Variants in ZNF254 observed in about 807,000 individuals in gnomAD.
ZNF254 encodes zinc finger protein 254, also known as CTD-2017D11.1.
In ZNF254, 10 loss-of-function variants were observed where a neutral mutation model predicts 12.4. The observed-to-expected ratio is 0.80, with a 90% confidence interval of 0.50 to 1.36. The LOEUF (loss-of-function observed/expected upper bound fraction) is 1.36, where lower values mean the gene tolerates loss of function less well. ZNF254 is among the 40% of genes most tolerant of loss of function. The probability of loss-of-function intolerance (pLI) is 0.00; values close to 1 mark genes in which losing one functional copy is unlikely to be tolerated. For synonymous variants in ZNF254, 305 were observed against 253.4 expected (o/e 1.20, Z -1.93); for missense variants, 996 against 763.9 (o/e 1.30, Z -3.58).
At chr19:24,057,591 G>A (rs923851774) in intron 2 of ZNF254, among the ~76,000 whole-genome samples, 7 of 152,210 alleles carry the variant, frequency 4.6e-5, no homozygotes, top group African/African-American at 1.7e-4. Flanking sequence ...ACACCCAGCC[G>A]ACAGTAAAGA....
chr19:24,060,152 A>G (rs1054426082), intron 2 of ZNF254, among the ~76,000 whole-genome samples: 1 of 152,166 alleles, frequency 6.6e-6, no homozygotes, highest in Non-Finnish European at 1.5e-5. Flanking sequence ...GCTGGTTTCA[A>G]TACCCAGGTG....
At chr19:24,118,240 G>C (rs1057482745) in intron 3 of ZNF254, among the ~76,000 whole-genome samples, 1 of 151,880 alleles carries the variant, frequency 6.6e-6, no homozygotes, top group Non-Finnish European at 1.5e-5. Flanking sequence ...TTTTAGTACA[G>C]ATGGGGTTTC....
exon 1 of ZNF254, chr19:24,033,577 A>T: frequency 2.6e-6 from 1 of 379,138 alleles, no homozygotes; most frequent in Non-Finnish European, 5.3e-6. Flanking sequence ...AGGTCCGGAG[A>T]GACGCACAGC....
At chr19:24,074,299 C>T (rs1335032826) in intron 2 of ZNF254, among the ~76,000 whole-genome samples, 1 of 152,176 alleles carries the variant, frequency 6.6e-6, no homozygotes, top group Admixed American at 6.6e-5. Flanking sequence ...GCTGAAGTGA[C>T]TCTTCTCTTC....
intron 2 of ZNF254, among the ~76,000 whole-genome samples, chr19:24,080,962 A>G (rs1971824811): frequency 6.6e-6 from 1 of 150,998 alleles, no homozygotes; most frequent in Non-Finnish European, 1.5e-5. Flanking sequence ...TTGTAATCCC[A>G]GCTACTCAGG....
At chr19:24,094,730 A>G (rs1972576313) in intron 1 of ZNF254, among the ~76,000 whole-genome samples, 1 of 151,786 alleles carries the variant, frequency 6.6e-6, no homozygotes, top group African/African-American at 2.4e-5. Context: ...TTTGTCTCCC[A>G]GGCTGGAGTG....
chr19:24,087,753 T>G (rs1312424228), intron 1 of ZNF254, among the ~76,000 whole-genome samples: 2 of 152,052 alleles, frequency 1.3e-5, no homozygotes, highest in Non-Finnish European at 2.9e-5. Context: ...ATTAAATACT[T>G]TAATAAAAGA....
chr19:24,104,435 G>C (rs1411377014), intron 1 of ZNF254: 1 of 152,156 alleles, frequency 6.6e-6, no homozygotes, highest in Non-Finnish European at 1.5e-5. Flanking sequence ...GAGAGAAAAA[G>C]TGACTTTTTT....
chr19:24,062,254 T>C (rs1431255306), intron 2 of ZNF254, among the ~76,000 whole-genome samples: 1 of 152,194 alleles, frequency 6.6e-6, no homozygotes, highest in Non-Finnish European at 1.5e-5. Context: ...TCATGTTTCA[T>C]GTAAGCACAT....
chr19:24,042,907 T>C (rs144570217), intron 1 of ZNF254, among the ~76,000 whole-genome samples: 10 of 152,344 alleles, frequency 6.6e-5, no homozygotes, highest in African/African-American at 9.6e-5. Context: ...TAAAGTTATT[T>C]TTCTCTTTAT....
chr19:24,109,895 ATT>A (rs748822710), intron 3 of ZNF254, among the ~76,000 whole-genome samples: 6 of 124,600 alleles, frequency 4.8e-5, no homozygotes, highest in Non-Finnish European at 5.3e-5. Flanking sequence ...CTAATTTTGT[ATT>A]TTTTTTTTTT....
intron 3 of ZNF254, among the ~76,000 whole-genome samples, chr19:24,112,415 A>T (rs1027102821): frequency 4.8e-5 from 7 of 146,766 alleles, no homozygotes; most frequent in Admixed American, 1.4e-4. Flanking sequence ...TTGGCTTAGG[A>T]GTGACTTGGT....
At chr19:24,105,168 AT>A (rs1452748448) in intron 1 of ZNF254, 1 of 159,486 alleles carries the variant, frequency 6.3e-6, no homozygotes, top group Non-Finnish European at 1.4e-5. Flanking sequence ...TCTCTTACAG[AT>A]TTTTTCACTA....
chr19:24,042,569 C>T lies in ZNF254; in HGVS notation c.-189-3615C>T, dbSNP rs537601761. 4.4e-4 allele frequency among the ~76,000 whole-genome samples: 67 copies of T among 152,220 alleles called. No homozygotes were observed. The East Asian group carries it at 0.01, about 23-fold the overall frequency. ...CGAGCCCACCAGAAGGAAGAAACTC[C>T]GAACACATCTGAACATCAGAAGGGA... On this transcript the variant is annotated intron_variant, in intron 1 of 4. Transcript: ENST00000613065.
chr19:24,095,022 T>C (rs980921320), intron 1 of ZNF254, among the ~76,000 whole-genome samples: 4 of 152,184 alleles, frequency 2.6e-5, no homozygotes, highest in African/African-American at 9.6e-5. Flanking sequence ...TGTTGGCTGA[T>C]GGTTTGTCAT....
At chr19:24,097,712 C>T (rs1050949863) in intron 1 of ZNF254, among the ~76,000 whole-genome samples, 9 of 151,574 alleles carry the variant, frequency 5.9e-5, no homozygotes, top group South Asian at 2.1e-4. Context: ...ACCTGGGAGG[C>T]GGAGGTTGTG....
Position 24,127,620 on chromosome 19 carries a change from T to C in ZNF254, c.1620T>C (p.His540=), listed in dbSNP as rs764458132. The C allele has an allele frequency of 3.7e-6, 6 of 1,608,150 alleles. No homozygotes were observed. The highest frequency in any genetic ancestry group is 5.1e-6 in the Non-Finnish European group (6 of 1,176,896). The part of the protein sequence containing the change: ...SSTLTKHKII[H]TEEKPYKCEK... ...CTCTTACTAAACATAAGATAATTCA[T>C]ACTGAAGAGAAACCCTACAAATGTG... is the stretch of plus-strand genomic sequence containing the variant. The change falls in exon 4 of 4, where the codon CAT becomes CAC. Residue 540 remains histidine (H), a synonymous_variant. Coordinates refer to ENST00000357002, the MANE Select transcript of ZNF254 (RefSeq NM_203282.4).
upstream of ZNF254, among the ~76,000 whole-genome samples, chr19:24,082,343 T>C (rs1162428411): frequency 2.0e-5 from 3 of 147,004 alleles, no homozygotes; most frequent in African/African-American, 7.5e-5. Context: ...AGCTAATTGC[T>C]GTAATTCTTT....
intron 3 of ZNF254, among the ~76,000 whole-genome samples, chr19:24,125,189 T>C (rs1974744641): frequency 6.6e-6 from 1 of 151,894 alleles, no homozygotes; most frequent in Non-Finnish European, 1.5e-5. Flanking sequence ...TTTGTTATTC[T>C]AGTTTGTTTG....
Sources: allele counts gnomAD v4.1 joint callset (sites outside exome capture counted in the v4.1 genomes callset), GRCh38; gene constraint gnomAD v4.1.1; transcripts MANE v1.5; gene names NCBI Gene and HGNC (gene_info 2026-07-23, HGNC 2026-07-21).